The following NTM variants were observed in gnomAD, a reference collection of about 807,000 sequenced individuals.
NTM encodes neurotrimin.
In NTM, 13 loss-of-function variants were observed where a neutral mutation model predicts 42.1. The ratio of observed to expected loss-of-function variants is 0.31; its 90% CI spans 0.20 to 0.49. The LOEUF (loss-of-function observed/expected upper bound fraction) is 0.49. Ranked by LOEUF, NTM falls within the 20% of genes least tolerant of loss-of-function variation. NTM has a pLI of 0.99. For missense variants in NTM, 373 were observed against 452.8 expected, an observed-to-expected ratio of 0.82 and a Z score of 1.60; for synonymous variants, 187 against 179.2, an observed-to-expected ratio of 1.04 and a Z score of -0.35.
chr11:132,296,725 C>T (rs963678415), intron 4 of NTM, among the ~76,000 whole-genome samples: 2 of 152,126 alleles, frequency 1.3e-5, no homozygotes, highest in African/African-American at 4.8e-5. Flanking sequence ...TAGTAGTGTG[C>T]CCAGTGAAAG....
Position 132,335,083 on chromosome 11 carries a change from G to C in NTM, c.1005G>C (p.Ser335=). ...TCAGCGAGGTGAGCAACGGCACGTC[G>C]AGGAGGGCAGGCTGCGTCTGGCTGC... The part of the protein sequence containing the change: ...GAVSEVSNGT[S]RRAGCVWLLP... Residue 335 remains serine, a synonymous_variant, in exon 9 of 9, where the codon TCG becomes TCC. Transcript: ENST00000683400. 6.2e-7 allele frequency: 1 copy of C among 1,612,566 alleles called. No individual in the cohort carries two copies. Among genetic ancestry groups the C allele is most frequent in the Non-Finnish European group, 8.5e-7 (1 of 1,179,982 alleles).
chr11:131,865,841 T>C (rs1280420142), intron 1 of NTM, among the ~76,000 whole-genome samples: 4 of 90,930 alleles, frequency 4.4e-5, no homozygotes, highest in African/African-American at 8.6e-5. Context: ...CACACACACC[T>C]CCCACACTCA....
intron 1 of NTM, among the ~76,000 whole-genome samples, chr11:131,659,771 G>A (rs978182374): frequency 6.6e-6 from 1 of 152,156 alleles, no homozygotes; most frequent in Non-Finnish European, 1.5e-5. Flanking sequence ...CTCTTTGGGG[G>A]ATGCAGCAAC....
chr11:131,458,372 G>A (rs1951090442), intron 1 of NTM, among the ~76,000 whole-genome samples: 1 of 152,156 alleles, frequency 6.6e-6, no homozygotes, highest in Non-Finnish European at 1.5e-5. Context: ...ACATTTGGAG[G>A]GGAAAGCCCA....
Position 132,174,493 on chromosome 11 carries a change from A to G in NTM, c.400+27979A>G, listed in dbSNP as rs368975640. 1.5e-4 allele frequency among the ~76,000 whole-genome samples: 23 copies of G among 152,360 alleles called. 1 individual carries two copies. The highest frequency in any genetic ancestry group is 5.0e-4 in the African/African-American group (21 of 41,588). ...GAATCGATGCTAGTGCAGTGACTTC[A>G]TGGACTCAGTATGCTGGGTGAGGAG... On this transcript the variant is annotated intron_variant, in intron 3 of 8. Coordinates refer to ENST00000683400, the MANE Select transcript of NTM (RefSeq NM_001352005.2).
At chr11:131,733,803 G>T (rs759295275) in intron 1 of NTM, among the ~76,000 whole-genome samples, 2 of 152,248 alleles carry the variant, frequency 1.3e-5, no homozygotes, top group Non-Finnish European at 2.9e-5. Flanking sequence ...CTTCCAAAGT[G>T]CAGGAATTAC....
intron 1 of NTM, among the ~76,000 whole-genome samples, chr11:131,757,872 C>T (rs2083542861): frequency 6.6e-6 from 1 of 152,044 alleles, no homozygotes; most frequent in Non-Finnish European, 1.5e-5. Flanking sequence ...CATTAGAATG[C>T]AAAGAACGTT....
intron 3 of NTM, among the ~76,000 whole-genome samples, chr11:132,186,711 A>T (rs2078455839): frequency 6.6e-6 from 1 of 152,148 alleles, no homozygotes; most frequent in Non-Finnish European, 1.5e-5. Flanking sequence ...TCTCAGAAGG[A>T]CACTATAAGA....
intron 1 of NTM, among the ~76,000 whole-genome samples, chr11:131,413,702 G>C (rs1203251387): frequency 5.3e-5 from 8 of 152,192 alleles, no homozygotes; most frequent in African/African-American, 1.9e-4. Flanking sequence ...AAATAATAGT[G>C]TTTATGGCTG....
intron 2 of NTM, among the ~76,000 whole-genome samples, chr11:131,971,216 C>A (rs2063486450): frequency 6.6e-6 from 1 of 152,212 alleles, no homozygotes; most frequent in African/African-American, 2.4e-5. Context: ...GCATCTCCAA[C>A]AAAACTTAGT....
intron 1 of NTM, among the ~76,000 whole-genome samples, chr11:131,514,861 G>A (rs1017708994): frequency 2.0e-5 from 3 of 151,958 alleles, no homozygotes; most frequent in Non-Finnish European, 4.4e-5. Flanking sequence ...CAAGATGCTG[G>A]GATTACAGGC....
rs187404178 is a variant in NTM, at chr11:131,674,925, A to G, written c.83-236639A>G. Among the ~76,000 whole-genome samples the G allele has an allele frequency of 4.3e-4, 66 of 152,294 alleles. No homozygotes were observed. The East Asian group carries it at 0.011, about 26-fold the overall frequency. ...CTTTCATCTGGATCTTCATACAGCT[A>G]CTCACTTGCTGCTAGAAAAGAAAGC... On this transcript the variant is annotated intron_variant, in intron 1 of 8. Transcript: ENST00000683400.
chr11:132,312,136 C>T (rs943149903), intron 6 of NTM, among the ~76,000 whole-genome samples: 3 of 152,184 alleles, frequency 2.0e-5, no homozygotes, highest in African/African-American at 7.2e-5. Context: ...CTGCAGCATC[C>T]CTGCCTCTGA....
chr11:131,401,646 T>C (rs1945144483), intron 1 of NTM, among the ~76,000 whole-genome samples: 1 of 151,032 alleles, frequency 6.6e-6, no homozygotes, highest in African/African-American at 2.4e-5. Context: ...TCTCTGAAGA[T>C]ACTAGGCATT....
chr11:132,257,726 T>C lies in NTM; in HGVS notation c.526+45579T>C, dbSNP rs537955743. ...CTTACAGATGAGAAACCTCAAAAAG[T>C]TTAAAGCGATTGCTTGCGATCATCC... On this transcript the variant is annotated intron_variant, in intron 4 of 8. Transcript: ENST00000683400. 5.4e-4 allele frequency among the ~76,000 whole-genome samples: 82 copies of C among 152,340 alleles called. No homozygotes were observed. In the South Asian group the frequency reaches 0.014, roughly 26 times the overall value.
intron 1 of NTM, among the ~76,000 whole-genome samples, chr11:131,580,804 T>TAG (rs1316783934): frequency 5.3e-5 from 8 of 152,188 alleles, no homozygotes; most frequent in African/African-American, 1.9e-4. Flanking sequence ...GCTCTCCTTG[T>TAG]AGAGATGAAA....
intron 1 of NTM, among the ~76,000 whole-genome samples, chr11:131,585,617 A>T (rs73580300): frequency 0.017 from 2,623 of 152,320 alleles, 90 homozygotes; most frequent in African/African-American, 0.059. Context: ...ACTGATGCCC[A>T]GAGTCGAGTA....
chr11:132,097,070 T>C (rs1196687993), intron 2 of NTM, among the ~76,000 whole-genome samples: 5 of 152,240 alleles, frequency 3.3e-5, no homozygotes, highest in African/African-American at 1.2e-4. Context: ...CCAGCAGTTA[T>C]TTTGGACTTA....
chr11:132,310,819 G>A (rs1264089060), intron 6 of NTM, among the ~76,000 whole-genome samples: 1 of 152,118 alleles, frequency 6.6e-6, no homozygotes, highest in East Asian at 1.9e-4. Context: ...TATTTGTTGT[G>A]AGTCACTGAA....
Sources: allele counts gnomAD v4.1 joint callset (sites outside exome capture counted in the v4.1 genomes callset), GRCh38; gene constraint gnomAD v4.1.1; transcripts MANE v1.5; gene names NCBI Gene and HGNC (gene_info 2026-07-23, HGNC 2026-07-21).